The following LY75 variants were observed in gnomAD, a reference collection of about 807,000 sequenced individuals.
LY75 encodes the protein lymphocyte antigen 75, also known as C-type lectin domain family 13 member B.
LY75 carries 185 observed loss-of-function variants against 231.7 expected under a neutral mutation model. The observed-to-expected ratio is 0.80, with a 90% CI of 0.71 to 0.90. The LOEUF is 0.90. Ranked by LOEUF, LY75 falls within the 40% of genes least tolerant of loss-of-function variation. LY75 has a pLI of 0.00. For synonymous variants in LY75, 668 were observed against 689.0 expected, an observed-to-expected ratio of 0.97 and a Z score of 0.48; for missense variants, 1,947 against 2,050.2, an observed-to-expected ratio of 0.95 and a Z score of 0.97.
intron 13 of LY75, among the ~76,000 whole-genome samples, chr2:159,866,488 G>A (rs1684862244): frequency 6.6e-6 from 1 of 152,042 alleles, no homozygotes; most frequent in Non-Finnish European, 1.5e-5. Context: ...ACCAATTTGT[G>A]GACCTAAGAT....
At chr2:159,855,507 A>C (rs1472978342) in intron 16 of LY75, among the ~76,000 whole-genome samples, 3 of 152,210 alleles carry the variant, frequency 2.0e-5, no homozygotes, top group Non-Finnish European at 2.9e-5. Context: ...GTGACTCAGG[A>C]TTCCCAGATG....
At chr2:159,874,743 ATATATATTT>A in intron 12 of LY75, among the ~76,000 whole-genome samples, 1 of 77,640 alleles carries the variant, frequency 1.3e-5, no homozygotes, top group South Asian at 4.0e-4. Flanking sequence ...ATATGTAAAT[ATATATATTT>A]TGTAAATATA....
intron 23 of LY75, among the ~76,000 whole-genome samples, chr2:159,842,820 T>G (rs6736730): frequency 0.047 from 7,185 of 152,158 alleles, 519 homozygotes; most frequent in African/African-American, 0.16. Context: ...GTATCTAGAT[T>G]TCATTTTCTA....
rs775981032 is a variant in LY75 at position 159,819,773 on chromosome 2, G to C, written c.4106C>G (p.Ala1369Gly). The C allele has an allele frequency of 6.2e-7, 1 of 1,613,706 alleles. No homozygotes were observed. The highest frequency in any genetic ancestry group is 8.5e-7 in the Non-Finnish European group (1 of 1,179,872). Reference protein sequence around the residue: ...DIQTFKVIEEAVYFHQHSILA... With the variant: ...DIQTFKVIEEGVYFHQHSILA... ...AATGCTGTGCTGGTGAAAATAAACT[G>C]CTTCTTCAATAACTTTAAAGGTTTG... Residue 1369 changes from alanine (A) to glycine (G), a missense_variant, in exon 29 of 35, where the codon GCA becomes GGA. Physicochemically the swap from Ala to Gly is moderately conservative, Grantham distance 60. Transcript: ENST00000263636.
chr2:159,842,282 A>G lies in LY75; in HGVS notation c.3243T>C (p.Ser1081=). 1 of 1,612,494 alleles carries G rather than the reference A, an allele frequency of 6.2e-7. No homozygotes were observed. The highest frequency in any genetic ancestry group is 1.1e-5 in the South Asian group (1 of 91,066). ...GACAGAGAGACACAAAGTGGCGTTC[A>G]CTGCAGGATGTAAAATTCCACGTCC... ...FTGTWNFTSC[S]ERHFVSLCQK... Residue 1081 remains serine, a synonymous_variant, in exon 24 of 35, where the codon AGT becomes AGC. Transcript: ENST00000263636.
chr2:159,863,670 A>C (rs1428498595), intron 14 of LY75, among the ~76,000 whole-genome samples: 1 of 152,078 alleles, frequency 6.6e-6, no homozygotes, highest in Non-Finnish European at 1.5e-5. Context: ...GAGTTGTTTG[A>C]GTTCCTTATC....
chr2:159,885,089 G>A, intron 6 of LY75, 64 bp downstream of exon 6: 1 of 1,569,592 alleles, frequency 6.4e-7, no homozygotes. Context: ...AGATTTACTT[G>A]TTTTCACAAA....
chr2:159,898,672 CCT>C lies in LY75; in HGVS notation c.466+14_466+15del. 1 of 1,589,032 alleles carries C rather than the reference CCT, an allele frequency of 6.3e-7. No homozygotes were observed. Among genetic ancestry groups the C allele is most frequent in the Non-Finnish European group, 8.6e-7 (1 of 1,162,618 alleles). On this transcript the variant is annotated intron_variant, in intron 2 of 34. Transcript: ENST00000263636. ...GCACAACAGCAAATCGGTCAAAGTCCCTCTCTAATACTCACCATGATAAGGCT... is the reference window on the plus strand; with the variant it reads ...GCACAACAGCAAATCGGTCAAAGTCCCTCTAATACTCACCATGATAAGGCT...
chr2:159,881,088 C>G lies in LY75; in HGVS notation c.1399G>C (p.Gly467Arg), dbSNP rs367574057. ...NKTPNCVSYL[G>R]ELGQWKVQSC... ...AACCACAGGAGGTTTCGTACCTCTC[C>G]TAAGTAGGAAACACAGTTGGGCGTC... The change falls in exon 8 of 35, where the codon GGA becomes CGA. Residue 467 changes from glycine (G) to arginine (R), a missense_variant. Coordinates refer to ENST00000263636, the MANE Select transcript of LY75 (RefSeq NM_002349.4). The G allele has an allele frequency of 6.8e-6, 11 of 1,613,292 alleles. No homozygotes were observed. In the African/African-American group the frequency reaches 1.5e-4, roughly 22 times the overall value.
chr2:159,817,097 A>T (rs1683142562), intron 29 of LY75, 65 bp from the exon 30 acceptor site: 1 of 1,431,914 alleles, frequency 7.0e-7, no homozygotes, highest in Non-Finnish European at 9.3e-7. Context: ...TTTGGATGAG[A>T]CAACATGCAA....
chr2:159,853,561 C>G, intron 19 of LY75, 69 bp downstream of exon 19: 1 of 1,595,998 alleles, frequency 6.3e-7, no homozygotes, highest in Non-Finnish European at 8.6e-7. Flanking sequence ...AATAGAAATC[C>G]ATTTAGTAAA....
At chr2:159,813,900 T>C (rs1376269477) in intron 31 of LY75, 1 of 152,244 alleles carries the variant, frequency 6.6e-6, no homozygotes, top group Non-Finnish European at 1.5e-5. Flanking sequence ...TGTATTCCAA[T>C]TGTTTTTCTA....
chr2:159,893,450 A>G (rs1277986913), intron 3 of LY75, among the ~76,000 whole-genome samples: 1 of 152,184 alleles, frequency 6.6e-6, no homozygotes, highest in African/African-American at 2.4e-5. Flanking sequence ...CTAGAATTGC[A>G]ATAAAGCCAA....
Position 159,819,405 on chromosome 2 carries a change from C to CT in LY75, c.4153+320dup, listed in dbSNP as rs149173418. Among the ~76,000 whole-genome samples, 220 of 149,676 alleles carry CT rather than the reference C, an allele frequency of 1.5e-3. No homozygotes were observed. The Middle Eastern group carries it at 0.046, about 31-fold the overall frequency. The stretch of plus-strand genomic sequence containing the variant: ...GTTTCACCTCTTCTTGAAGCCTTTC[C>CT]TTTTTTTTTTGTTATTCCCCTTTCC... On this transcript the variant is annotated intron_variant, in intron 29 of 34. Transcript: ENST00000263636.
intron 15 of LY75, 163 bp from the exon 16 acceptor site, chr2:159,858,639 C>A (rs960587689): frequency 8.4e-6 from 4 of 474,172 alleles, no homozygotes; most frequent in African/African-American, 6.4e-5. Context: ...AACAGTAATA[C>A]CCTGAGCAAG....
At chr2:159,824,395 A>T (rs1291001971) in intron 28 of LY75, among the ~76,000 whole-genome samples, 1 of 152,240 alleles carries the variant, frequency 6.6e-6, no homozygotes, top group Non-Finnish European at 1.5e-5. Context: ...TGGTAGAGGG[A>T]TCAATGCAGC....
At chr2:159,885,404 A>G in intron 5 of LY75, 111 bp from the exon 6 acceptor site, 1 of 1,400,430 alleles carries the variant, frequency 7.1e-7, no homozygotes, top group Middle Eastern at 1.9e-4. Context: ...AACTCATATT[A>G]TAGTTAAAAC....
rs1221272475 is a variant in LY75 at position 159,904,460 on chromosome 2, C to T, written c.94+129G>A. The T allele has an allele frequency of 4.8e-6, 5 of 1,052,570 alleles. No individual in the cohort carries two copies. In the African/African-American group the frequency reaches 5.1e-5, roughly 11 times the overall value. The allele number at this position is 1,052,570 out of a possible 1,614,324, so 65.2% of individuals were successfully genotyped here. A position where few individuals can be genotyped will look rare whatever the true frequency, so the allele number is the denominator to read the frequency against. ...GCGACTCACTCTTCCGGCTCCAGAG[C>T]CCCCCCGCCCCAACAGCAAAGCAGC... On this transcript the variant is annotated intron_variant, in intron 1 of 34. Coordinates refer to ENST00000263636, the MANE Select transcript of LY75 (RefSeq NM_002349.4).
At chr2:159,895,168 T>G (rs1327260066) in intron 2 of LY75, among the ~76,000 whole-genome samples, 1 of 152,218 alleles carries the variant, frequency 6.6e-6, no homozygotes, top group African/African-American at 2.4e-5. Context: ...GTGAGGCCAT[T>G]TAACAGCTTA....
Sources: gnomAD v4.1 joint callset for allele counts (sites outside exome capture counted in the v4.1 genomes callset) on GRCh38, gnomAD v4.1.1 for gene constraint, MANE v1.5 for transcripts, NCBI Gene and HGNC (gene_info 2026-07-23, HGNC 2026-07-21) for gene names.